The following RBFOX1 variants were observed in gnomAD, a reference collection of about 807,000 sequenced individuals.
RBFOX1 encodes the protein RNA binding fox-1 homolog 1.
Under a neutral mutation model 57.7 loss-of-function variants are expected in RBFOX1, and 8 were observed. That is an observed-to-expected ratio of 0.14 (90% CI 0.08 to 0.25). The LOEUF (loss-of-function observed/expected upper bound fraction) is 0.25, where lower values mean the gene tolerates loss of function less well. Among genes scored for constraint, RBFOX1 ranks in the 10% least tolerant of loss-of-function variants. The pLI is 1.00. For missense variants in RBFOX1, 611 were observed against 548.5 expected, an observed-to-expected ratio of 1.11 and a Z score of -1.14; for synonymous variants, 326 against 222.4, an observed-to-expected ratio of 1.47 and a Z score of -4.15.
intron 14 of RBFOX1, among the ~76,000 whole-genome samples, chr16:7,681,272 G>T (rs1418157757): frequency 2.6e-5 from 4 of 152,084 alleles, no homozygotes. Context: ...TACATAGGTG[G>T]GTGGATGAAT....
At chr16:6,182,824 T>G (rs1181827295) in intron 1 of RBFOX1, among the ~76,000 whole-genome samples, 2 of 152,210 alleles carry the variant, frequency 1.3e-5, no homozygotes, top group African/African-American at 4.8e-5. Context: ...TACATAATTC[T>G]TTTTTAATGA....
chr16:6,101,778 A>G (rs574372990), intron 1 of RBFOX1, among the ~76,000 whole-genome samples: 3 of 152,262 alleles, frequency 2.0e-5, no homozygotes, highest in Admixed American at 6.5e-5. Flanking sequence ...AATTATTTTT[A>G]TTGTCCTGGA....
chr16:7,670,651 A>C (rs537462495), intron 13 of RBFOX1, among the ~76,000 whole-genome samples: 1 of 152,308 alleles, frequency 6.6e-6, no homozygotes, highest in South Asian at 2.1e-4. Context: ...ATCGCTCCGT[A>C]AGCTTAGACT....
At position 7,111,756 on chromosome 16, in the gene RBFOX1, C is replaced by CT. The variant is rs60574147; in HGVS notation, c.27+59670dup. On this transcript the variant is annotated intron_variant, in intron 4 of 15. Transcript: ENST00000550418. ...AAATTATTCTGATTGTTATTTTGTACTTTTTTTTTTTTATCTTCAAGGTTC... is the reference window on the plus strand; with the variant it reads ...AAATTATTCTGATTGTTATTTTGTACTTTTTTTTTTTTTATCTTCAAGGTTC... Among the ~76,000 whole-genome samples the CT allele has an allele frequency of 5.1e-3, 761 of 147,962 alleles. 1 individual carries two copies. The highest frequency in any genetic ancestry group is 5.7e-3 in the Non-Finnish European group (379 of 66,498).
chr16:5,376,187 AG>A (rs1304507772), intron 1 of RBFOX1, among the ~76,000 whole-genome samples: 8 of 150,732 alleles, frequency 5.3e-5, no homozygotes, highest in African/African-American at 2.0e-4. Flanking sequence ...AAAAAAAAAA[AG>A]GTTAGTAATC....
chr16:7,633,185 C>A (rs149135933), intron 11 of RBFOX1, among the ~76,000 whole-genome samples: 1 of 152,084 alleles, frequency 6.6e-6, no homozygotes, highest in Admixed American at 6.5e-5. Flanking sequence ...CAAAGCCTAA[C>A]GTTTTAACAG....
intron 12 of RBFOX1, among the ~76,000 whole-genome samples, chr16:7,654,997 G>C (rs577000272): frequency 1.3e-5 from 2 of 152,318 alleles, no homozygotes; most frequent in East Asian, 3.9e-4. Flanking sequence ...TCCCTGGCCA[G>C]TGACTGGCTT....
At chr16:6,134,535 C>T (rs143364272) in intron 1 of RBFOX1, among the ~76,000 whole-genome samples, 111 of 152,132 alleles carry the variant, frequency 7.3e-4, no homozygotes, top group African/African-American at 2.1e-3. Flanking sequence ...AAGCTTTCTG[C>T]GGGAGTGGTA....
At chr16:6,065,871 C>T (rs1326566758) in intron 1 of RBFOX1, among the ~76,000 whole-genome samples, 2 of 152,112 alleles carry the variant, frequency 1.3e-5, no homozygotes, top group African/African-American at 2.4e-5. Flanking sequence ...CTGGATTTTG[C>T]CTCCGAGGAC....
intron 4 of RBFOX1, among the ~76,000 whole-genome samples, chr16:7,140,157 C>CTCTCTCTCTCT (rs2073295791): frequency 8.5e-5 from 6 of 70,886 alleles, no homozygotes; most frequent in African/African-American, 1.8e-4. Flanking sequence ...TCCTTCTCTC[C>CTCTCTCTCTCT]CTCTCTCTCT....
intron 4 of RBFOX1, among the ~76,000 whole-genome samples, chr16:7,441,651 A>G (rs1433231659): frequency 1.3e-5 from 2 of 152,164 alleles, no homozygotes. Context: ...TAAAGATTAC[A>G]TTTAAAATCG....
chr16:7,186,525 A>G (rs2083857216), intron 4 of RBFOX1, among the ~76,000 whole-genome samples: 1 of 133,572 alleles, frequency 7.5e-6, no homozygotes, highest in African/African-American at 2.9e-5. Context: ...TATTTATATA[A>G]ATATAAGCAT....
chr16:6,967,155 A>C (rs539517110), intron 3 of RBFOX1, among the ~76,000 whole-genome samples: 2 of 151,728 alleles, frequency 1.3e-5, no homozygotes, highest in African/African-American at 4.8e-5. Flanking sequence ...TTCATCATCT[A>C]TCCATGTGTT....
intron 1 of RBFOX1, among the ~76,000 whole-genome samples, chr16:6,166,242 C>G (rs537064972): frequency 1.3e-5 from 2 of 152,260 alleles, no homozygotes; most frequent in South Asian, 4.2e-4. Flanking sequence ...GCCTTCCCTG[C>G]CTGCTGTCCT....
chr16:6,246,750 G>T (rs376430882), intron 1 of RBFOX1, among the ~76,000 whole-genome samples: 2 of 152,128 alleles, frequency 1.3e-5, no homozygotes, highest in African/African-American at 4.8e-5. Context: ...GTGCTGCCGC[G>T]GTCTCTATCT....
chr16:5,401,481 C>T (rs989007028), intron 1 of RBFOX1, among the ~76,000 whole-genome samples: 6 of 152,148 alleles, frequency 3.9e-5, no homozygotes, highest in Non-Finnish European at 7.4e-5. Flanking sequence ...GATGGGGCCC[C>T]TCCTCCTGCC....
At chr16:6,492,267 G>T (rs1183404829) in intron 2 of RBFOX1, among the ~76,000 whole-genome samples, 1 of 152,148 alleles carries the variant, frequency 6.6e-6, no homozygotes, top group Non-Finnish European at 1.5e-5. Context: ...GACTATTTGG[G>T]AATTCTTATT....
At chr16:6,274,671 C>T (rs886217978) in intron 1 of RBFOX1, among the ~76,000 whole-genome samples, 4 of 152,170 alleles carry the variant, frequency 2.6e-5, no homozygotes, top group African/African-American at 9.7e-5. Flanking sequence ...GTTTTGAAAT[C>T]ACCCTTGTGG....
At chr16:7,043,134 C>G (rs1354673248) in intron 3 of RBFOX1, among the ~76,000 whole-genome samples, 3 of 148,150 alleles carry the variant, frequency 2.0e-5, no homozygotes, top group Admixed American at 6.8e-5. Context: ...CCGCCCAACT[C>G]CTATTTACTC....
Sources: allele counts gnomAD v4.1 joint callset (sites outside exome capture counted in the v4.1 genomes callset), GRCh38; gene constraint gnomAD v4.1.1; transcripts MANE v1.5; gene names NCBI Gene and HGNC (gene_info 2026-07-23, HGNC 2026-07-21).